Variants in GCNT1 observed in about 807,000 individuals in gnomAD.
GCNT1 encodes the protein glucosaminyl (N-acetyl) transferase 1.
A neutral mutation model predicts 26.2 loss-of-function variants in GCNT1; 16 were observed. The observed-to-expected ratio is 0.61, with a 90% CI of 0.41 to 0.93. GCNT1 has a LOEUF of 0.93. Among genes scored for constraint, GCNT1 ranks in the 40% least tolerant of loss-of-function variants. The pLI is 0.00. For missense variants in GCNT1, 477 were observed against 526.7 expected (o/e 0.91, Z 0.92); for synonymous variants, 183 against 190.8 (o/e 0.96, Z 0.34).
intron 2 of GCNT1, among the ~76,000 whole-genome samples, chr9:76,462,389 A>G (rs1037903939): frequency 6.6e-6 from 1 of 152,196 alleles, no homozygotes; most frequent in African/African-American, 2.4e-5. Context: ...CAAATGCCAT[A>G]TATGTTTAGA....
chr9:76,433,181 C>T (rs896196926), intron 1 of GCNT1, among the ~76,000 whole-genome samples: 4 of 152,192 alleles, frequency 2.6e-5, no homozygotes, highest in South Asian at 2.1e-4. Flanking sequence ...GGGACCCCTC[C>T]GAATGCAGGT....
intron 1 of GCNT1, among the ~76,000 whole-genome samples, chr9:76,450,383 A>C (rs11144905): frequency 0.28 from 42,267 of 152,048 alleles, 6,205 homozygotes; most frequent in Non-Finnish European, 0.32. Context: ...CAACCCTTAC[A>C]TTGTTTACAG....
At chr9:76,487,686 C>T (rs1393386304) in intron 2 of GCNT1, among the ~76,000 whole-genome samples, 1 of 151,966 alleles carries the variant, frequency 6.6e-6, no homozygotes, top group East Asian at 1.9e-4. Context: ...TTTTCTTCTT[C>T]GGTTAGATCT....
upstream of GCNT1, among the ~76,000 whole-genome samples, chr9:76,458,873 A>G (rs1288112756): frequency 6.6e-6 from 1 of 152,272 alleles, no homozygotes; most frequent in Non-Finnish European, 1.5e-5. Context: ...TTTCATGTTT[A>G]AAATCAGAAA....
chr9:76,472,278 G>A (rs1824147622), intron 2 of GCNT1, among the ~76,000 whole-genome samples: 2 of 152,130 alleles, frequency 1.3e-5, no homozygotes, highest in Non-Finnish European at 2.9e-5. Context: ...GCGAGACTTT[G>A]TCTCAAAGAA....
At chr9:76,433,303 T>C (rs4745549) in intron 1 of GCNT1, among the ~76,000 whole-genome samples, 49,929 of 152,050 alleles carry the variant, frequency 0.33, 8,379 homozygotes, top group East Asian at 0.39. Flanking sequence ...ACCTGTGGGC[T>C]GGAGTGGGGC....
At chr9:76,452,502 G>A (rs185977236) in intron 1 of GCNT1, among the ~76,000 whole-genome samples, 6 of 152,226 alleles carry the variant, frequency 3.9e-5, no homozygotes, top group East Asian at 1.9e-4. Flanking sequence ...AGTTCTGTAC[G>A]CTGCACAGAA....
At chr9:76,427,224 T>TCTCA (rs1823270292) in intron 1 of GCNT1, among the ~76,000 whole-genome samples, 1 of 141,468 alleles carries the variant, frequency 7.1e-6, no homozygotes, top group African/African-American at 2.6e-5. Context: ...TGAGATAGGG[T>TCTCA]CTCACTGTGT....
chr9:76,396,765 C>T, the GCNT1 span, among the ~76,000 whole-genome samples: 1 of 152,326 alleles, frequency 6.6e-6, no homozygotes, highest in African/African-American at 2.4e-5. Flanking sequence ...TCGCTCGAAC[C>T]TGGCGGCAGT....
At chr9:76,424,892 C>T (rs1823240352) in intron 1 of GCNT1, among the ~76,000 whole-genome samples, 1 of 152,146 alleles carries the variant, frequency 6.6e-6, no homozygotes, top group Non-Finnish European at 1.5e-5. Flanking sequence ...GTAATCCCAG[C>T]ACTTTGGGAG....
chr9:76,437,551 C>T (rs768286991), upstream of GCNT1, among the ~76,000 whole-genome samples: 22 of 152,202 alleles, frequency 1.4e-4, no homozygotes, highest in Non-Finnish European at 2.9e-4. Context: ...AAATGGGCAA[C>T]CAGCAACCCT....
chr9:76,443,939 AAGGAAGGAAGGAAGGAAGGAAGGAAGG>A (rs1823526948), intron 1 of GCNT1, among the ~76,000 whole-genome samples: 2 of 62,740 alleles, frequency 3.2e-5, no homozygotes, highest in Admixed American at 1.4e-4. Context: ...GAAAGGAAGG[AAGGAAGGAAGGAAGGAAGGAAGGAAGG>A]AAGGAAGGAA....
At chr9:76,452,007 C>T (rs1017201500) in intron 1 of GCNT1, among the ~76,000 whole-genome samples, 2 of 140,864 alleles carry the variant, frequency 1.4e-5, no homozygotes, top group South Asian at 2.2e-4. Flanking sequence ...CTCTCTCTGT[C>T]GCCCAGGCTG....
intron 2 of GCNT1, among the ~76,000 whole-genome samples, chr9:76,464,766 A>T (rs563165097): frequency 6.6e-6 from 1 of 152,302 alleles, no homozygotes; most frequent in South Asian, 2.1e-4. Context: ...TTTTCTCTAA[A>T]TTCTACTTAA....
At chr9:76,434,321 G>C (rs1429070287) in intron 1 of GCNT1, among the ~76,000 whole-genome samples, 3 of 152,176 alleles carry the variant, frequency 2.0e-5, no homozygotes, top group African/African-American at 7.2e-5. Context: ...CATAGGTCAT[G>C]TTCAGGACTC....
In GCNT1 at chr9:76,505,068, G is replaced by A; in HGVS notation, c.*1400G>A. 2.4e-6 allele frequency: 1 copy of A among 412,296 alleles called. No individual in the cohort carries two copies. Among genetic ancestry groups the A allele is most frequent in the Non-Finnish European group, 4.4e-6 (1 of 225,932 alleles). The allele number at this position is 412,296 out of a possible 1,614,324, so 25.5% of individuals were successfully genotyped here. A position where few individuals can be genotyped will look rare whatever the true frequency, so the allele number is the denominator to read the frequency against. On this transcript the variant is annotated 3_prime_UTR_variant, in exon 4 of 4. Coordinates refer to ENST00000376730, the MANE Select transcript of GCNT1 (RefSeq NM_001490.5). ...GAAATTCTCGTACTTTTGCCATGTT[G>A]ATACTGTTCAGCAAACAAGCTACCA...
chr9:76,456,757 G>A (rs1823763663), upstream of GCNT1, among the ~76,000 whole-genome samples: 1 of 152,234 alleles, frequency 6.6e-6, no homozygotes, highest in Non-Finnish European at 1.5e-5. Context: ...TGGATCGCTT[G>A]AGCGTGGGAG....
the GCNT1 span, among the ~76,000 whole-genome samples, chr9:76,413,653 G>GTTTTGTTTTTTTTTTT: frequency 8.4e-6 from 1 of 118,662 alleles, no homozygotes; most frequent in African/African-American, 3.1e-5. Flanking sequence ...GTTTTGTTTT[G>GTTTTGTTTTTTTTTTT]TTTTTTTTTT....
intron 1 of GCNT1, among the ~76,000 whole-genome samples, chr9:76,422,288 C>A (rs750036108): frequency 4.6e-5 from 7 of 152,088 alleles, no homozygotes; most frequent in South Asian, 2.1e-4. Context: ...AAGATGGTCT[C>A]GAACTCCTGA....
Sources: allele counts gnomAD v4.1 joint callset (sites outside exome capture counted in the v4.1 genomes callset), GRCh38; gene constraint gnomAD v4.1.1; transcripts MANE v1.5; gene names NCBI Gene and HGNC (gene_info 2026-07-23, HGNC 2026-07-21).